Variants in BBS9 observed in about 807,000 individuals in gnomAD.
The protein encoded by BBS9 is Bardet-Biedl syndrome 9.
A neutral mutation model predicts 117.7 loss-of-function variants in BBS9; 89 were observed. That is an observed-to-expected ratio of 0.76 (90% confidence interval 0.64 to 0.90). The LOEUF (loss-of-function observed/expected upper bound fraction) is 0.90. Ranked by LOEUF, BBS9 falls within the 40% of genes least tolerant of loss-of-function variation. The pLI is 0.00. For missense variants in BBS9, 982 were observed against 1,042.2 expected (o/e 0.94, Z 0.80); for synonymous variants, 379 against 370.9 (o/e 1.02, Z -0.25).
chr7:33,179,292 G>T (rs1410358620), intron 5 of BBS9, among the ~76,000 whole-genome samples: 2 of 152,174 alleles, frequency 1.3e-5, no homozygotes, highest in African/African-American at 4.8e-5. Flanking sequence ...TATATAGCAG[G>T]GATCCCCGAT....
intron 19 of BBS9, among the ~76,000 whole-genome samples, chr7:33,429,211 C>T (rs1732176405): frequency 6.6e-6 from 1 of 151,642 alleles, no homozygotes; most frequent in African/African-American, 2.4e-5. Flanking sequence ...CTATTTGTTG[C>T]TATATCTCCT....
intron 21 of BBS9, among the ~76,000 whole-genome samples, chr7:33,635,089 C>T (rs1866080499): frequency 6.6e-6 from 1 of 152,198 alleles, no homozygotes; most frequent in Non-Finnish European, 1.5e-5. Flanking sequence ...ATGCTGCGAT[C>T]TGTGTGAGGG....
chr7:33,406,337 T>G (rs951194131), intron 19 of BBS9, among the ~76,000 whole-genome samples: 2 of 152,154 alleles, frequency 1.3e-5, no homozygotes, highest in African/African-American at 4.8e-5. Flanking sequence ...GGGTGGAGAG[T>G]TCTGTAGATG....
At chr7:33,630,366 A>C in intron 21 of BBS9, among the ~76,000 whole-genome samples, 1 of 152,146 alleles carries the variant, frequency 6.6e-6, no homozygotes, top group East Asian at 1.9e-4. Flanking sequence ...TTTTCAAATC[A>C]CAGCATAATT....
chr7:33,334,176 G>A (rs1016713225), intron 9 of BBS9, among the ~76,000 whole-genome samples: 2 of 152,152 alleles, frequency 1.3e-5, no homozygotes, highest in Admixed American at 6.5e-5. Context: ...TAAATGGCTT[G>A]TATCTAAATT....
chr7:33,506,730 GA>G (rs1846203111), intron 20 of BBS9, among the ~76,000 whole-genome samples: 1 of 152,006 alleles, frequency 6.6e-6, no homozygotes, highest in Non-Finnish European at 1.5e-5. Context: ...TTTTAAAAAA[GA>G]AGCTATATTT....
intron 9 of BBS9, among the ~76,000 whole-genome samples, chr7:33,283,046 G>A (rs1375520827): frequency 1.3e-5 from 2 of 151,896 alleles, no homozygotes; most frequent in South Asian, 2.1e-4. Context: ...CTTTCATCCT[G>A]TTGATATATC....
chr7:33,439,638 C>G (rs1034303780), intron 19 of BBS9, among the ~76,000 whole-genome samples: 1 of 150,672 alleles, frequency 6.6e-6, no homozygotes, highest in Admixed American at 6.6e-5. Flanking sequence ...AAGCGATTCT[C>G]CTGCCTCAGC....
chr7:33,186,252 A>G (rs1044291358), intron 5 of BBS9, among the ~76,000 whole-genome samples: 1 of 152,212 alleles, frequency 6.6e-6, no homozygotes, highest in African/African-American at 2.4e-5. Context: ...GGTAATGCTA[A>G]GCTGCAGTGA....
chr7:33,263,771 G>T (rs1371216557), intron 6 of BBS9, among the ~76,000 whole-genome samples: 1 of 152,020 alleles, frequency 6.6e-6, no homozygotes, highest in Admixed American at 6.5e-5. Flanking sequence ...TTTTAACAAT[G>T]ATTGTGTTAG....
chr7:33,327,998 G>C (rs932779410), intron 9 of BBS9, among the ~76,000 whole-genome samples: 33 of 152,164 alleles, frequency 2.2e-4, no homozygotes, highest in African/African-American at 7.7e-4. Context: ...TTGAGCTTTA[G>C]ATGTCTATTG....
chr7:33,213,424 AGAGCCTAAGCCTGGACTTGGAGACCCC>A (rs1324734316), intron 5 of BBS9, among the ~76,000 whole-genome samples: 1 of 152,246 alleles, frequency 6.6e-6, no homozygotes, highest in Non-Finnish European at 1.5e-5. Flanking sequence ...ATAGTGTCCA[AGAGCCTAAGCCTGGACTTGGAGACCCC>A]AGGAGCCTGC....
intron 18 of BBS9, 113 bp from the exon 19 acceptor site, chr7:33,387,879 T>C (rs1826309167): frequency 8.5e-7 from 1 of 1,181,784 alleles, no homozygotes; most frequent in Non-Finnish European, 1.2e-6. Flanking sequence ...AACTCTATAA[T>C]GCATTTAAAT....
intron 5 of BBS9, among the ~76,000 whole-genome samples, chr7:33,240,598 TC>T (rs1379573996): frequency 6.6e-6 from 1 of 152,028 alleles, no homozygotes; most frequent in African/African-American, 2.4e-5. Flanking sequence ...CCTTTTCACT[TC>T]CCCCTTGAAC....
intron 5 of BBS9, 61 bp downstream of exon 5, chr7:33,177,652 TATAAAAC>T: frequency 8.4e-7 from 1 of 1,196,914 alleles, no homozygotes; most frequent in Non-Finnish European, 1.2e-6. Context: ...TATTTGGTCA[TATAAAAC>T]AGAGGATTAA....
chr7:33,357,971 G>A lies in BBS9; in HGVS notation c.1669G>A (p.Val557Ile). 3 of 1,612,388 alleles carry A rather than the reference G, an allele frequency of 1.9e-6. No individual in the cohort carries two copies. In the East Asian group the frequency reaches 6.7e-5, roughly 36 times the overall value. Reference sequence around the variant, plus strand: ...TACTATTGATACCAACAAATCTCCAGTCAGTCTTCTTAGTCTCTTCCCAGG... The same window carrying A: ...TACTATTGATACCAACAAATCTCCAATCAGTCTTCTTAGTCTCTTCCCAGG... ...KITIDTNKSP[V>I]SLLSLFPGFA... is the part of the protein sequence containing the mutation. Residue 557 changes from valine (V) to isoleucine (I), a missense_variant, in exon 16 of 23, where the codon GTC becomes ATC. Val to Ile is a conservative substitution (Grantham distance 29, BLOSUM62 3). Coordinates refer to ENST00000242067, the MANE Select transcript of BBS9 (RefSeq NM_198428.3).
intron 12 of BBS9, 108 bp downstream of exon 12, chr7:33,344,742 C>T: frequency 8.5e-7 from 1 of 1,179,864 alleles, no homozygotes; most frequent in Non-Finnish European, 1.3e-6. Flanking sequence ...AAAATAAACA[C>T]TTGGCATTTG....
intron 9 of BBS9, among the ~76,000 whole-genome samples, chr7:33,313,311 C>T (rs368422766): frequency 1.3e-5 from 2 of 152,062 alleles, no homozygotes; most frequent in East Asian, 1.9e-4. Context: ...TAGCCTCTAG[C>T]GTGGTGCCTG....
chr7:33,616,491 G>GTA (rs1255562311), intron 21 of BBS9, among the ~76,000 whole-genome samples: 272 of 138,740 alleles, frequency 2.0e-3, no homozygotes, highest in African/African-American at 7.0e-3. Context: ...GTGTGTGTGT[G>GTA]TGTATATATA....
Sources: gnomAD v4.1 joint callset for allele counts (sites outside exome capture counted in the v4.1 genomes callset) on GRCh38, gnomAD v4.1.1 for gene constraint, MANE v1.5 for transcripts, NCBI Gene and HGNC (gene_info 2026-07-23, HGNC 2026-07-21) for gene names.